KCNQ1OT1: variants seen among roughly 807,000 people sequenced by gnomAD.
KCNQ1OT1 encodes the protein KCNQ1 opposite strand/antisense transcript 1, also known as KCNQ1 antisense RNA 2 (non-protein coding).
In KCNQ1OT1 at chr11:2,679,363, G is replaced by A. The variant is rs1850347906; in HGVS notation, n.20632C>T. 2 of 398,502 alleles carry A rather than the reference G, an allele frequency of 5.0e-6. No homozygotes were observed. Among genetic ancestry groups the A allele is most frequent in the Non-Finnish European group, 8.8e-6 (2 of 226,072 alleles). The allele number at this position is 398,502 out of a possible 1,614,324, so 24.7% of individuals were successfully genotyped here. ...CTACTTTCTACCTGCTACACCTTGA[G>A]TGAGTCACTTAGTCTCAGTTTCTTT... On this transcript the variant is annotated non_coding_transcript_exon_variant, in exon 1 of 1. Transcript: ENST00000597346. The surrounding 1 kb of genome is among the most constrained non-coding windows in gnomAD (Gnocchi z 4.8).
In KCNQ1OT1 at chr11:2,648,077, G is replaced by T. The variant is rs555203363; in HGVS notation, n.51918C>A. On this transcript the variant is annotated non_coding_transcript_exon_variant, in exon 1 of 1. Coordinates refer to ENST00000597346, the Ensembl canonical transcript of KCNQ1OT1. ...AAAAAAAAAAAAAAAAATTAGCGAG[G>T]TGTGGTGCTGCACATCTACTCAGAA... 77 of 397,286 alleles carry T rather than the reference G, an allele frequency of 1.9e-4. No homozygotes were observed. In the East Asian group the frequency reaches 2.7e-3, roughly 14 times the overall value. 24.6% of individuals were successfully genotyped at this position (397,286 alleles called of 1,614,324 possible). A position where few individuals can be genotyped will look rare whatever the true frequency, so the allele number is the denominator to read the frequency against.
exon 1 of KCNQ1OT1, chr11:2,614,840 T>C (rs1271933311): frequency 1.8e-5 from 7 of 398,376 alleles, no homozygotes; most frequent in Non-Finnish European, 2.7e-5. Flanking sequence ...CTTCCAACTT[T>C]GTTCTTTTTC....
chr11:2,649,029 C>T (rs1380678973), exon 1 of KCNQ1OT1: 4 of 327,674 alleles, frequency 1.2e-5, no homozygotes, highest in Middle Eastern at 7.7e-4. Flanking sequence ...TGTCTGTCTA[C>T]TCCTGCATGC....
rs1564852852 is a variant in KCNQ1OT1 at position 2,671,250 on chromosome 11, G to A, written n.28745C>T. The A allele has an allele frequency of 2.5e-5, 10 of 398,454 alleles. No homozygotes were observed. The highest frequency in any genetic ancestry group is 4.0e-5 in the Non-Finnish European group (9 of 226,080). The allele number at this position is 398,454 out of a possible 1,614,324, so 24.7% of individuals were successfully genotyped here. On this transcript the variant is annotated non_coding_transcript_exon_variant, in exon 1 of 1. Coordinates refer to ENST00000597346, the Ensembl canonical transcript of KCNQ1OT1. This position sits in a 1 kb window ranked among gnomAD's most constrained non-coding sequence, Gnocchi z 4.7. Reference sequence around the variant, plus strand: ...GAGTCCAGGTCTGACCTCAAAATCCGATGTCCCCACCATCCCCAGCCCCTT... The same window carrying A: ...GAGTCCAGGTCTGACCTCAAAATCCAATGTCCCCACCATCCCCAGCCCCTT...
In KCNQ1OT1 at chr11:2,698,210, T is replaced by C. The variant is rs1850711307; in HGVS notation, n.1785A>G. 2 of 398,620 alleles carry C rather than the reference T, an allele frequency of 5.0e-6. No homozygotes were observed. Among genetic ancestry groups the C allele is most frequent in the East Asian group, 7.1e-5 (2 of 28,078 alleles). 24.7% of individuals were successfully genotyped at this position (398,620 alleles called of 1,614,324 possible). On this transcript the variant is annotated non_coding_transcript_exon_variant, in exon 1 of 1. Coordinates refer to ENST00000597346, the Ensembl canonical transcript of KCNQ1OT1. This position sits in a 1 kb window ranked among gnomAD's most constrained non-coding sequence, Gnocchi z 5.1. ...GGCACCACAGTAAAGAAAGAACTGG[T>C]AAATGCACATCAAATGTGGATATTA...
exon 1 of KCNQ1OT1, chr11:2,699,716 G>A (rs1564862670): frequency 7.1e-5 from 25 of 350,884 alleles, no homozygotes; most frequent in African/African-American, 1.1e-4. Flanking sequence ...CGGCGCCGAG[G>A]AGTCCCCGGG....
rs916062101 is a variant in KCNQ1OT1 at position 2,608,708 on chromosome 11, C to T, written n.91287G>A. On this transcript the variant is annotated non_coding_transcript_exon_variant, in exon 1 of 1. Transcript: ENST00000597346. The surrounding 1 kb of genome is among the most constrained non-coding windows in gnomAD (Gnocchi z 4.6). ...TGAACTCCTGGCCACAAGCAATTCT[C>T]GAACTCCTGGCCACAAGCAATTCTC... 4.2e-4 allele frequency: 162 copies of T among 382,536 alleles called. 1 individual carries two copies. In the African/African-American group the frequency reaches 4.3e-3, roughly 10 times the overall value. 23.7% of individuals were successfully genotyped at this position (382,536 alleles called of 1,614,324 possible).
chr11:2,646,608 C>A (rs1413906735), exon 1 of KCNQ1OT1: 1 of 398,536 alleles, frequency 2.5e-6, no homozygotes, highest in East Asian at 3.6e-5. Flanking sequence ...TCACTGCAAC[C>A]TTCACCTCCG....
exon 1 of KCNQ1OT1, chr11:2,667,574 AGGGGGTCGGGGCGGGGTTGGGCG>A (rs1850101517): frequency 6.4e-5 from 1 of 15,614 alleles, no homozygotes; most frequent in Non-Finnish European, 1.3e-4. Flanking sequence ...CAGTTGGGGC[AGGGGGTCGGGGCGGGGTTGGGCG>A]GGGGGCACAT....
Position 2,621,912 on chromosome 11 carries a change from T to G in KCNQ1OT1, n.78083A>C, listed in dbSNP as rs1245843213. On this transcript the variant is annotated non_coding_transcript_exon_variant, in exon 1 of 1. Transcript: ENST00000597346. The surrounding 1 kb of genome is among the most constrained non-coding windows in gnomAD (Gnocchi z 5.7). ...TCTTTATTATTTCCTTCTGTTAACT[T>G]TGGCTTTAGTTTGTTCTTCTTTTTC... The G allele has an allele frequency of 2.5e-6, 1 of 398,274 alleles. No individual in the cohort carries two copies. The highest frequency in any genetic ancestry group is 4.4e-6 in the Non-Finnish European group (1 of 225,956). 24.7% of individuals were successfully genotyped at this position (398,274 alleles called of 1,614,324 possible). A position where few individuals can be genotyped will look rare whatever the true frequency, so the allele number is the denominator to read the frequency against.
exon 1 of KCNQ1OT1, chr11:2,640,362 T>A (rs762563198): frequency 8.3e-5 from 33 of 398,514 alleles, no homozygotes; most frequent in Non-Finnish European, 1.3e-4. Context: ...CCCCACTTAC[T>A]GCAATCTTTA....
In KCNQ1OT1 at chr11:2,653,954, G is replaced by T. The variant is rs1248785352; in HGVS notation, n.46041C>A. ...TGGCTGCTGGCAGGCAAAAACAACA[G>T]GTGTCCACTCAAGCAAGGTATTTTC... On this transcript the variant is annotated non_coding_transcript_exon_variant, in exon 1 of 1. Transcript: ENST00000597346. The surrounding 1 kb of genome is among the most constrained non-coding windows in gnomAD (Gnocchi z 5.3). 1.0e-5 allele frequency: 4 copies of T among 398,558 alleles called. No homozygotes were observed. The Admixed American group carries it at 1.8e-4, about 18-fold the overall frequency. The allele number at this position is 398,558 out of a possible 1,614,324, so 24.7% of individuals were successfully genotyped here.
chr11:2,635,307 G>A (rs1849444842), exon 1 of KCNQ1OT1: 1 of 152,050 alleles, frequency 6.6e-6, no homozygotes, highest in Non-Finnish European at 1.5e-5. Context: ...GGGTTTTTAC[G>A]GTTTTAGGTC....
exon 1 of KCNQ1OT1, chr11:2,643,987 CT>C (rs1849623162): frequency 2.5e-6 from 1 of 398,410 alleles, no homozygotes; most frequent in African/African-American, 2.1e-5. Context: ...AGGTTGTTCC[CT>C]TGTAAGTGTC....
chr11:2,622,720 CTT>C (rs981824355), exon 1 of KCNQ1OT1: 29 of 398,382 alleles, frequency 7.3e-5, no homozygotes, highest in African/African-American at 4.3e-4. Flanking sequence ...ATTTTAAAGA[CTT>C]TATATTTTTA....
exon 1 of KCNQ1OT1, chr11:2,609,304 G>A (rs932584221): frequency 5.0e-6 from 2 of 398,154 alleles, no homozygotes; most frequent in Admixed American, 8.8e-5. Context: ...ATGTAGTGTT[G>A]TTTAATTTCC....
exon 1 of KCNQ1OT1, chr11:2,632,847 C>T (rs1304173827): frequency 1.5e-5 from 6 of 398,284 alleles, no homozygotes; most frequent in Non-Finnish European, 2.7e-5. Flanking sequence ...GATTCCATAT[C>T]TTAACTGTTG....
rs1157414208 is a variant in KCNQ1OT1, at chr11:2,664,780, G to A, written n.35215C>T. 1 of 398,646 alleles carries A rather than the reference G, an allele frequency of 2.5e-6. No individual in the cohort carries two copies. The highest frequency in any genetic ancestry group is 2.1e-5 in the African/African-American group (1 of 48,632). 24.7% of individuals were successfully genotyped at this position (398,646 alleles called of 1,614,324 possible). A position where few individuals can be genotyped will look rare whatever the true frequency, so the allele number is the denominator to read the frequency against. On this transcript the variant is annotated non_coding_transcript_exon_variant, in exon 1 of 1. Coordinates refer to ENST00000597346, the Ensembl canonical transcript of KCNQ1OT1. This position sits in a 1 kb window ranked among gnomAD's most constrained non-coding sequence, Gnocchi z 5.1. ...GTCTCACAGGGGGCAGAGTGGGTGG[G>A]AGGCAGTTACCAAAAAACATTTCCA...
exon 1 of KCNQ1OT1, chr11:2,625,432 T>C (rs1056964810): frequency 7.5e-6 from 3 of 398,466 alleles, no homozygotes; most frequent in East Asian, 7.1e-5. Flanking sequence ...GCTGTGTTTA[T>C]TTTTTTAATA....
Sources: gnomAD v4.1 joint callset for allele counts on GRCh38, gnomAD v4.1.1 for gene constraint, Gnocchi (gnomAD v3.1) non-coding constraint, MANE v1.5 for transcripts, NCBI Gene and HGNC (gene_info 2026-07-23, HGNC 2026-07-21) for gene names.